The following ALKBH8 variants were observed in gnomAD, a reference collection of about 807,000 sequenced individuals.
ALKBH8 encodes the protein alkB homolog 8, tRNA methyltransferase, also known as tRNA (carboxymethyluridine(34)-5-O)-methyltransferase ALKBH8.
In ALKBH8, 36 loss-of-function variants were observed where a neutral mutation model predicts 59.8. The observed-to-expected ratio is 0.60, with a 90% CI of 0.46 to 0.79. ALKBH8 has a LOEUF of 0.79. ALKBH8 is among the 30% of genes least tolerant of loss of function. The pLI, the probability that ALKBH8 is intolerant of heterozygous loss-of-function variation, is 0.00. For missense variants in ALKBH8, 768 were observed against 801.0 expected (o/e 0.96, Z 0.50); for synonymous variants, 276 against 273.6 (o/e 1.01, Z -0.09).
chr11:107,518,357 C>A (rs537065289), intron 10 of ALKBH8, among the ~76,000 whole-genome samples: 2 of 152,104 alleles, frequency 1.3e-5, no homozygotes, highest in African/African-American at 4.8e-5. Context: ...GTGCAGTGTG[C>A]GATTATGGTT....
intron 7 of ALKBH8, among the ~76,000 whole-genome samples, chr11:107,535,653 G>A (rs1591292094): frequency 6.6e-6 from 1 of 152,068 alleles, no homozygotes; most frequent in African/African-American, 2.4e-5. Context: ...CTTTGAACTT[G>A]TGTTAAATGA....
At chr11:107,524,255 G>A (rs1863256988) in intron 9 of ALKBH8, among the ~76,000 whole-genome samples, 1 of 151,752 alleles carries the variant, frequency 6.6e-6, no homozygotes, top group African/African-American at 2.4e-5. Context: ...GCAGACAGGG[G>A]GTCTTCCTAT....
intron 2 of ALKBH8, among the ~76,000 whole-genome samples, chr11:107,559,093 G>A (rs1453730215): frequency 3.3e-5 from 5 of 152,146 alleles, no homozygotes; most frequent in African/African-American, 1.2e-4. Context: ...GGTTTTATAA[G>A]GGGTTTCCCC....
chr11:107,533,374 A>C (rs1406562813), intron 7 of ALKBH8, among the ~76,000 whole-genome samples: 1 of 152,202 alleles, frequency 6.6e-6, no homozygotes, highest in Non-Finnish European at 1.5e-5. Flanking sequence ...TAAGCATTCA[A>C]TAAATGGTAG....
At chr11:107,528,470 A>T (rs1385146119) in intron 8 of ALKBH8, among the ~76,000 whole-genome samples, 1 of 152,216 alleles carries the variant, frequency 6.6e-6, no homozygotes, top group African/African-American at 2.4e-5. Context: ...TCATTGCCCA[A>T]ATTTACATTA....
intron 11 of ALKBH8, among the ~76,000 whole-genome samples, chr11:107,506,927 A>G (rs1862412488): frequency 1.3e-5 from 2 of 152,162 alleles, no homozygotes; most frequent in Admixed American, 1.3e-4. Flanking sequence ...ATAAAACAGT[A>G]GCATATAATA....
At chr11:107,526,894 G>A (rs909582493) in intron 8 of ALKBH8, among the ~76,000 whole-genome samples, 2 of 151,878 alleles carry the variant, frequency 1.3e-5, no homozygotes, top group South Asian at 2.1e-4. Context: ...TATGTATGGA[G>A]TTATCTCTGG....
intron 1 of ALKBH8, among the ~76,000 whole-genome samples, chr11:107,561,494 GT>G (rs1565352842): frequency 6.6e-6 from 1 of 152,084 alleles, no homozygotes; most frequent in Non-Finnish European, 1.5e-5. Flanking sequence ...ATCAAAGGGT[GT>G]TTCTTCAGTT....
At chr11:107,507,780 T>C (rs1408600385) in intron 11 of ALKBH8, among the ~76,000 whole-genome samples, 1 of 152,168 alleles carries the variant, frequency 6.6e-6, no homozygotes, top group Admixed American at 6.5e-5. Flanking sequence ...TGGGATCAGT[T>C]GAAAAGAACA....
intron 8 of ALKBH8, among the ~76,000 whole-genome samples, chr11:107,530,748 C>T (rs114365901): frequency 9.1e-4 from 139 of 151,948 alleles, no homozygotes; most frequent in African/African-American, 3.1e-3. Flanking sequence ...GATTCCAGAG[C>T]GAACATTAAA....
At chr11:107,528,273 A>T (rs1863434444) in intron 8 of ALKBH8, among the ~76,000 whole-genome samples, 2 of 152,056 alleles carry the variant, frequency 1.3e-5, no homozygotes, top group South Asian at 4.1e-4. Context: ...TCTTTTATTT[A>T]ATGTCTTTCA....
chr11:107,548,802 A>G (rs980274366), intron 7 of ALKBH8, among the ~76,000 whole-genome samples: 31 of 152,288 alleles, frequency 2.0e-4, no homozygotes, highest in African/African-American at 7.5e-4. Flanking sequence ...TAATTAGATT[A>G]GATGACCTGA....
chr11:107,562,645 G>A (rs1864982625), intron 1 of ALKBH8: 1 of 152,250 alleles, frequency 6.6e-6, no homozygotes, highest in East Asian at 1.9e-4. Context: ...GAAGACAAAT[G>A]CCAAGTCTCT....
At chr11:107,521,404 TTGTAGTAACTTTCTTCA>T (rs1377683678) in intron 10 of ALKBH8, among the ~76,000 whole-genome samples, 3 of 152,240 alleles carry the variant, frequency 2.0e-5, no homozygotes, top group Admixed American at 6.5e-5. Flanking sequence ...CAAGGGACAA[TTGTAGTAACTTTCTTCA>T]TGTAGGTGCA....
chr11:107,522,824 C>A (rs1214152897), intron 9 of ALKBH8, among the ~76,000 whole-genome samples: 3 of 151,964 alleles, frequency 2.0e-5, no homozygotes, highest in Non-Finnish European at 4.4e-5. Flanking sequence ...CAAAAAAATA[C>A]CTAGTGTTGG....
At chr11:107,508,986 T>C (rs1414219185) in intron 11 of ALKBH8, among the ~76,000 whole-genome samples, 1 of 152,230 alleles carries the variant, frequency 6.6e-6, no homozygotes. Flanking sequence ...TATAAATATC[T>C]GTTCAAGTCT....
At chr11:107,529,754 G>A (rs890384676) in intron 8 of ALKBH8, among the ~76,000 whole-genome samples, 1 of 151,934 alleles carries the variant, frequency 6.6e-6, no homozygotes, top group African/African-American at 2.4e-5. Flanking sequence ...CACCCGCCTT[G>A]GCCTCCCAAA....
At chr11:107,544,928 G>A (rs1864188457) in intron 7 of ALKBH8, among the ~76,000 whole-genome samples, 1 of 151,588 alleles carries the variant, frequency 6.6e-6, no homozygotes, top group African/African-American at 2.4e-5. Flanking sequence ...AGGCACTACA[G>A]AGACAGAGTA....
intron 10 of ALKBH8, among the ~76,000 whole-genome samples, chr11:107,513,088 G>C (rs1207222045): frequency 6.6e-6 from 1 of 152,176 alleles, no homozygotes; most frequent in Non-Finnish European, 1.5e-5. Flanking sequence ...CACGGCAAAA[G>C]AAACTATCAA....
Sources: gnomAD v4.1 joint callset for allele counts (sites outside exome capture counted in the v4.1 genomes callset) on GRCh38, gnomAD v4.1.1 for gene constraint, MANE v1.5 for transcripts, NCBI Gene and HGNC (gene_info 2026-07-23, HGNC 2026-07-21) for gene names.